The following SPATA17 variants were observed in gnomAD, a reference collection of about 807,000 sequenced individuals.
SPATA17 encodes the protein spermatogenesis associated 17.
SPATA17 carries 53 observed loss-of-function variants against 62.2 expected under a neutral mutation model. That is an observed-to-expected ratio of 0.85 (90% CI 0.68 to 1.07). The LOEUF (loss-of-function observed/expected upper bound fraction) is 1.07. Among genes scored for constraint, SPATA17 ranks in the 50% least tolerant of loss-of-function variants. The pLI is 0.00. For synonymous variants in SPATA17, 146 were observed against 146.8 expected (o/e 0.99, Z 0.04); for missense variants, 466 against 425.5 (o/e 1.10, Z -0.84).
At chr1:217,742,656 A>G (rs1319692464) in intron 6 of SPATA17, among the ~76,000 whole-genome samples, 1 of 152,128 alleles carries the variant, frequency 6.6e-6, no homozygotes, top group Non-Finnish European at 1.5e-5. Flanking sequence ...AATACCCTGG[A>G]TTTTGTCCTG....
intron 5 of SPATA17, among the ~76,000 whole-genome samples, chr1:217,690,082 T>C (rs1320237838): frequency 6.6e-6 from 1 of 152,114 alleles, no homozygotes; most frequent in Non-Finnish European, 1.5e-5. Flanking sequence ...TTTATAATTT[T>C]AGTAGAGACA....
intron 9 of SPATA17, among the ~76,000 whole-genome samples, chr1:217,814,532 T>C (rs1674668209): frequency 6.6e-6 from 1 of 152,146 alleles, no homozygotes; most frequent in Non-Finnish European, 1.5e-5. Context: ...CCCTGAACTT[T>C]ATGAAAAGTT....
At chr1:217,686,978 C>G (rs747015245) in intron 5 of SPATA17, among the ~76,000 whole-genome samples, 103 of 152,318 alleles carry the variant, frequency 6.8e-4, no homozygotes, top group Admixed American at 3.9e-4. Context: ...CTCAGCCTCC[C>G]AAAGTGCTGG....
intron 3 of SPATA17, among the ~76,000 whole-genome samples, chr1:217,663,744 T>C (rs150810906): frequency 2.3e-4 from 35 of 152,298 alleles, no homozygotes; most frequent in African/African-American, 8.2e-4. Flanking sequence ...TCGTGTCATC[T>C]AGATAAATTA....
intron 4 of SPATA17, among the ~76,000 whole-genome samples, chr1:217,679,450 T>C (rs978439242): frequency 1.3e-5 from 2 of 152,208 alleles, no homozygotes; most frequent in Non-Finnish European, 2.9e-5. Flanking sequence ...CAATAAATTT[T>C]AGATCCTTCA....
intron 6 of SPATA17, among the ~76,000 whole-genome samples, chr1:217,755,361 G>A (rs2102958616): frequency 6.6e-6 from 1 of 152,120 alleles, no homozygotes; most frequent in East Asian, 1.9e-4. Context: ...AATAAAAGAT[G>A]AGAAAATGAA....
chr1:217,668,127 C>G (rs1051324259), intron 3 of SPATA17, among the ~76,000 whole-genome samples: 1 of 152,070 alleles, frequency 6.6e-6, no homozygotes, highest in Non-Finnish European at 1.5e-5. Context: ...TACCTGGGCT[C>G]AAGTTATAGT....
At chr1:217,773,093 C>T (rs566810584) in intron 6 of SPATA17, among the ~76,000 whole-genome samples, 1 of 152,176 alleles carries the variant, frequency 6.6e-6, no homozygotes, top group Non-Finnish European at 1.5e-5. Flanking sequence ...TGGGATAGGA[C>T]GTTGACTCCA....
rs149358820 is a variant in SPATA17, at chr1:217,753,950, A to G, written c.519+11852A>G. Among the ~76,000 whole-genome samples the G allele has an allele frequency of 5.7e-4, 86 of 152,210 alleles. 3 individuals are homozygous for G. In the East Asian group the frequency reaches 0.012, roughly 22 times the overall value. On this transcript the variant is annotated intron_variant, in intron 6 of 10. Transcript: ENST00000366933. The stretch of plus-strand genomic sequence containing the variant: ...TTTATTGGTTTTATATAAAACTCCT[A>G]TTGGCCCAGCACAGTGTCTCACGCC...
chr1:217,798,379 A>C (rs1674209556), intron 8 of SPATA17, among the ~76,000 whole-genome samples: 1 of 152,146 alleles, frequency 6.6e-6, no homozygotes, highest in Admixed American at 6.6e-5. Context: ...AAAGTAAATA[A>C]TTTTATACCT....
chr1:217,712,149 G>A (rs542548950), intron 5 of SPATA17, among the ~76,000 whole-genome samples: 4 of 79,176 alleles, frequency 5.1e-5, no homozygotes, highest in South Asian at 3.2e-4. Flanking sequence ...TTTTTTTTAC[G>A]GAGTTTCGCT....
Position 217,763,160 on chromosome 1 carries a change from C to A in SPATA17, c.520-11174C>A, listed in dbSNP as rs192069389. 2.0e-5 allele frequency among the ~76,000 whole-genome samples: 3 copies of A among 152,224 alleles called. No homozygotes were observed. The East Asian group carries it at 5.8e-4, about 29-fold the overall frequency. ...CCAAGAAAATGGACACAGTCCTTGTCCTTTTGGAAAGTAAACTGGACTTGG... is the reference window on the plus strand; with the variant it reads ...CCAAGAAAATGGACACAGTCCTTGTACTTTTGGAAAGTAAACTGGACTTGG... On this transcript the variant is annotated intron_variant, in intron 6 of 10. Transcript: ENST00000366933.
chr1:217,776,747 G>C (rs1673597372), intron 7 of SPATA17, among the ~76,000 whole-genome samples: 1 of 151,888 alleles, frequency 6.6e-6, no homozygotes, highest in African/African-American at 2.4e-5. Context: ...GGAGGGTGGG[G>C]ATAGGAGGGC....
At chr1:217,665,650 T>G (rs1397210189) in intron 3 of SPATA17, among the ~76,000 whole-genome samples, 3 of 152,196 alleles carry the variant, frequency 2.0e-5, no homozygotes, top group Non-Finnish European at 4.4e-5. Context: ...TTCAAAATAC[T>G]CAGCCATGTA....
At chr1:217,831,594 C>CA (rs1455132759) in intron 9 of SPATA17, among the ~76,000 whole-genome samples, 1 of 152,018 alleles carries the variant, frequency 6.6e-6, no homozygotes, top group African/African-American at 2.4e-5. Context: ...AGGCCTACTC[C>CA]AAAAATATAT....
intron 7 of SPATA17, among the ~76,000 whole-genome samples, chr1:217,776,791 A>G (rs928803787): frequency 1.3e-5 from 2 of 151,752 alleles, no homozygotes; most frequent in African/African-American, 2.4e-5. Context: ...CCTCACTCAC[A>G]TGGTTGGGTG....
intron 9 of SPATA17, among the ~76,000 whole-genome samples, chr1:217,823,685 T>C (rs1363898827): frequency 6.6e-6 from 1 of 152,006 alleles, no homozygotes. Flanking sequence ...GCCTAGATGA[T>C]GTGTTCATTG....
At chr1:217,657,725 T>G (rs112827213) in intron 3 of SPATA17, among the ~76,000 whole-genome samples, 3,244 of 152,326 alleles carry the variant, frequency 0.021, 102 homozygotes, top group African/African-American at 0.072. Flanking sequence ...CTCCTCTAAC[T>G]AAAATTTTAG....
intron 5 of SPATA17, among the ~76,000 whole-genome samples, chr1:217,731,957 T>G (rs1026071997): frequency 2.0e-5 from 3 of 152,218 alleles, no homozygotes; most frequent in Non-Finnish European, 4.4e-5. Flanking sequence ...CATTTATTTT[T>G]AAATCACTTT....
Sources: allele counts gnomAD v4.1 joint callset (sites outside exome capture counted in the v4.1 genomes callset), GRCh38; gene constraint gnomAD v4.1.1; transcripts MANE v1.5; gene names NCBI Gene and HGNC (gene_info 2026-07-23, HGNC 2026-07-21).